Variants in CAST observed in about 807,000 individuals in gnomAD.
CAST encodes the protein MIR583 host.
In CAST, 76 loss-of-function variants were observed where a neutral mutation model predicts 119.6. The ratio of observed to expected loss-of-function variants is 0.64; its 90% CI spans 0.53 to 0.77. The LOEUF is 0.77. Ranked by LOEUF, CAST falls within the 30% of genes least tolerant of loss-of-function variation. The probability of loss-of-function intolerance (pLI) is 0.00; values close to 1 mark genes in which losing one functional copy is unlikely to be tolerated. For missense variants in CAST, 953 were observed against 946.5 expected, an observed-to-expected ratio of 1.01 and a Z score of -0.09; for synonymous variants, 319 against 331.6, an observed-to-expected ratio of 0.96 and a Z score of 0.41.
At chr5:96,141,095 T>C in the CAST span, among the ~76,000 whole-genome samples, 6 of 152,334 alleles carry the variant, frequency 3.9e-5, no homozygotes, top group African/African-American at 1.2e-4. Context: ...TAAATGTATA[T>C]TCATTATACA....
intron 3 of CAST, among the ~76,000 whole-genome samples, chr5:96,700,304 A>G (rs1482096883): frequency 6.6e-6 from 1 of 152,272 alleles, no homozygotes; most frequent in Non-Finnish European, 1.5e-5. Flanking sequence ...ATTTTCATTT[A>G]TAGTGAGGCT....
At chr5:96,377,502 T>C in the CAST span, among the ~76,000 whole-genome samples, 1 of 152,152 alleles carries the variant, frequency 6.6e-6, no homozygotes, top group Non-Finnish European at 1.5e-5. Context: ...ATATTTACCA[T>C]TGTGTTACAA....
At chr5:96,649,057 A>T (rs1415523095) in intron 1 of CAST, among the ~76,000 whole-genome samples, 1 of 152,172 alleles carries the variant, frequency 6.6e-6, no homozygotes, top group Non-Finnish European at 1.5e-5. Flanking sequence ...ATGTCTTTTT[A>T]AAAATGTTAG....
the CAST span, among the ~76,000 whole-genome samples, chr5:96,206,141 C>T: frequency 6.6e-6 from 1 of 151,458 alleles, no homozygotes; most frequent in Non-Finnish European, 1.5e-5. Context: ...ATGTCTTTTG[C>T]CCCCTTTTTA....
At chr5:96,361,505 G>A in the CAST span, among the ~76,000 whole-genome samples, 13 of 152,348 alleles carry the variant, frequency 8.5e-5, no homozygotes, top group African/African-American at 2.4e-4. Flanking sequence ...TGTGAAGTCC[G>A]TGGGAAAAGC....
At chr5:96,592,800 T>A (rs1037000155) in intron 1 of CAST, among the ~76,000 whole-genome samples, 23 of 151,970 alleles carry the variant, frequency 1.5e-4, no homozygotes, top group Admixed American at 1.5e-3. Flanking sequence ...AGTCTTGCTC[T>A]GTCGCCCAGG....
chr5:96,191,909 G>C, the CAST span, among the ~76,000 whole-genome samples: 1 of 152,132 alleles, frequency 6.6e-6, no homozygotes, highest in African/African-American at 2.4e-5. Flanking sequence ...ATTTTAAGAA[G>C]AGTCAAAAAA....
At chr5:96,170,540 G>A in the CAST span, among the ~76,000 whole-genome samples, 1 of 152,304 alleles carries the variant, frequency 6.6e-6, no homozygotes, top group South Asian at 2.1e-4. Context: ...GCTATTATGG[G>A]GTTTGAGGGC....
chr5:96,731,184 G>A (rs1760403270), intron 9 of CAST, among the ~76,000 whole-genome samples: 1 of 152,152 alleles, frequency 6.6e-6, no homozygotes, highest in Admixed American at 6.5e-5. Context: ...CAATTTCCAG[G>A]AGCATTTGAA....
At chr5:96,310,026 C>A in the CAST span, among the ~76,000 whole-genome samples, 1 of 152,182 alleles carries the variant, frequency 6.6e-6, no homozygotes, top group Non-Finnish European at 1.5e-5. Flanking sequence ...GAAAGGGTTC[C>A]AGTTTTTCAC....
intron 9 of CAST, among the ~76,000 whole-genome samples, chr5:96,732,643 C>T (rs186840373): frequency 2.6e-5 from 4 of 152,108 alleles, no homozygotes; most frequent in Non-Finnish European, 5.9e-5. Context: ...TTAGGTCTAA[C>T]GTCTGATCTT....
At chr5:96,177,498 C>T in the CAST span, among the ~76,000 whole-genome samples, 9 of 152,122 alleles carry the variant, frequency 5.9e-5, no homozygotes, top group East Asian at 5.8e-4. Context: ...AGGATCAACC[C>T]GTATGATCTC....
chr5:96,695,941 CTGTATTCTACAGGGATA>C (rs754499551), intron 3 of CAST, 34 bp downstream of exon 3: 28 of 1,472,592 alleles, frequency 1.9e-5, no homozygotes, highest in Non-Finnish European at 2.7e-5. Flanking sequence ...AAGACCCCTA[CTGTATTCTACAGGGATA>C]TGATTAGTGG....
At chr5:96,175,404 A>G in the CAST span, among the ~76,000 whole-genome samples, 141 of 152,368 alleles carry the variant, frequency 9.3e-4, 1 homozygote, top group East Asian at 0.026. Flanking sequence ...CTGAATGCCA[A>G]GGACTCATTT....
chr5:96,479,450 C>CTTTTTTTTTTTTTTTT, the CAST span, among the ~76,000 whole-genome samples: 4 of 115,298 alleles, frequency 3.5e-5, 1 homozygote, highest in Non-Finnish European at 5.6e-5. Flanking sequence ...CCAGGCACTC[C>CTTTTTTTTTTTTTTTT]TTATTTTTTT....
At chr5:96,395,034 TA>T in the CAST span, 1 of 1,599,696 alleles carries the variant, frequency 6.3e-7, no homozygotes, top group African/African-American at 1.3e-5. Context: ...GACTAACAAA[TA>T]AGCATACCTA....
chr5:96,335,719 T>G, the CAST span, among the ~76,000 whole-genome samples: 2 of 152,164 alleles, frequency 1.3e-5, no homozygotes, highest in Non-Finnish European at 2.9e-5. Flanking sequence ...CTTCAGACAT[T>G]TCGGATTCAA....
chr5:95,969,864 G>A, the CAST span, among the ~76,000 whole-genome samples: 4 of 152,196 alleles, frequency 2.6e-5, no homozygotes, highest in African/African-American at 9.6e-5. Flanking sequence ...TTGAGTAATA[G>A]TAGAGATTGT....
chr5:96,283,843 C>T, the CAST span, among the ~76,000 whole-genome samples: 1 of 152,318 alleles, frequency 6.6e-6, no homozygotes, highest in African/African-American at 2.4e-5. Context: ...AATGACTTCA[C>T]AAACTGTTAG....
Sources: gnomAD v4.1 joint callset for allele counts (sites outside exome capture counted in the v4.1 genomes callset) on GRCh38, gnomAD v4.1.1 for gene constraint, MANE v1.5 for transcripts, NCBI Gene and HGNC (gene_info 2026-07-23, HGNC 2026-07-21) for gene names.